The following NEK7 variants were observed in gnomAD, a reference collection of about 807,000 sequenced individuals.
NEK7 encodes the protein serine/threonine-protein kinase Nek7.
Under a neutral mutation model 44.6 loss-of-function variants are expected in NEK7, and 18 were observed. That is an observed-to-expected ratio of 0.40 (90% CI 0.28 to 0.60). The LOEUF (loss-of-function observed/expected upper bound fraction) is 0.60. NEK7 is among the 20% of genes least tolerant of loss of function. The pLI, the probability that NEK7 is intolerant of heterozygous loss-of-function variation, is 0.38. For missense variants in NEK7, 256 were observed against 366.5 expected (o/e 0.70, Z 2.46); for synonymous variants, 130 against 121.1 (o/e 1.07, Z -0.48).
intron 4 of NEK7, among the ~76,000 whole-genome samples, chr1:198,263,078 A>C (rs1653532098): frequency 6.6e-6 from 1 of 151,942 alleles, no homozygotes; most frequent in Non-Finnish European, 1.5e-5. Flanking sequence ...AGTGCATGTA[A>C]AGAGTATGCC....
Position 198,278,029 on chromosome 1 carries a change from T to C in NEK7, c.441T>C (p.Ser147=), listed in dbSNP as rs1251326860. Residue 147 remains serine, a synonymous_variant, in exon 6 of 10, where the codon AGT becomes AGC. Coordinates refer to ENST00000367385, the MANE Select transcript of NEK7 (RefSeq NM_133494.3). ...GGAAGTATTTTGTTCAGCTTTGCAG[T>C]GCATTGGAACACATGCATTCTCGAA... ...TVWKYFVQLC[S]ALEHMHSRRV... is the part of the protein sequence containing the mutation. The C allele has an allele frequency of 1.2e-6, 2 of 1,602,598 alleles. No homozygotes were observed. The highest frequency in any genetic ancestry group is 1.1e-5 in the South Asian group (1 of 90,718).
intron 7 of NEK7, among the ~76,000 whole-genome samples, chr1:198,292,456 T>C (rs1654588030): frequency 6.6e-6 from 1 of 152,036 alleles, no homozygotes; most frequent in South Asian, 2.1e-4. Context: ...AAGTGTTATA[T>C]CATTTGTTAA....
intron 1 of NEK7, among the ~76,000 whole-genome samples, chr1:198,186,033 A>G (rs1571511185): frequency 1.3e-5 from 2 of 152,186 alleles, no homozygotes; most frequent in East Asian, 3.8e-4. Flanking sequence ...ATCTCGAAGG[A>G]GCTATGCTGC....
chr1:198,302,740 T>C (rs1245640938), intron 9 of NEK7, among the ~76,000 whole-genome samples: 3 of 152,194 alleles, frequency 2.0e-5, no homozygotes, highest in Non-Finnish European at 2.9e-5. Flanking sequence ...ACATTTTCTT[T>C]AATGCGATTA....
At chr1:198,235,993 G>A (rs1666535537) in intron 2 of NEK7, among the ~76,000 whole-genome samples, 1 of 152,008 alleles carries the variant, frequency 6.6e-6, no homozygotes, top group African/African-American at 2.4e-5. Flanking sequence ...AAGCTTCATG[G>A]CAGTTCAGAC....
In NEK7 at chr1:198,297,253, C is replaced by T. The variant is rs1654740601; in HGVS notation, c.798+13C>T. On this transcript the variant is annotated intron_variant, in intron 9 of 9. Transcript: ENST00000367385. ...CTATTCAGAAGAAGTAAGTCATTTT[C>T]AGCCCACATGTTCTTCTGTTGTCCA... The T allele has an allele frequency of 6.2e-7, 1 of 1,612,044 alleles. No individual in the cohort carries two copies. The highest frequency in any genetic ancestry group is 8.5e-7 in the Non-Finnish European group (1 of 1,179,166).
At chr1:198,256,660 G>A (rs986362586) in intron 3 of NEK7, 1 of 724,170 alleles carries the variant, frequency 1.4e-6, no homozygotes, top group Non-Finnish European at 2.1e-6. Context: ...GCTTTAGGAA[G>A]ATTAAGATAA....
intron 9 of NEK7, among the ~76,000 whole-genome samples, chr1:198,318,846 A>G (rs1655451698): frequency 2.0e-5 from 3 of 152,154 alleles, no homozygotes; most frequent in South Asian, 4.1e-4. Flanking sequence ...TACTGTGTAC[A>G]CAATTGAGGA....
chr1:198,205,944 G>A (rs536503240), intron 1 of NEK7, among the ~76,000 whole-genome samples: 1 of 152,202 alleles, frequency 6.6e-6, no homozygotes, highest in East Asian at 1.9e-4. Context: ...AGTGGGTTTG[G>A]GGGAAAGAGG....
rs141657544 is a variant in NEK7, at chr1:198,286,474, T to C, written c.590-6471T>C. On this transcript the variant is annotated intron_variant, in intron 7 of 9. Coordinates refer to ENST00000367385, the MANE Select transcript of NEK7 (RefSeq NM_133494.3). ...ATTTTTCTCTTACCCCCTCGGTCCT[T>C]ATGTAATTCTTGGTGTGAGGTAGGT... Among the ~76,000 whole-genome samples, 12 of 152,062 alleles carry C rather than the reference T, an allele frequency of 7.9e-5. No individual in the cohort carries two copies. In the East Asian group the frequency reaches 2.3e-3, roughly 30 times the overall value.
intron 1 of NEK7, among the ~76,000 whole-genome samples, 185 bp from the exon 2 acceptor site, chr1:198,232,366 CAG>C (rs1208339856): frequency 1.3e-5 from 2 of 152,190 alleles, no homozygotes; most frequent in African/African-American, 4.8e-5. Context: ...ATGGTTGAGA[CAG>C]TGAATATTTG....
chr1:198,247,712 GCTT>G (rs1006850430), intron 2 of NEK7, among the ~76,000 whole-genome samples: 4 of 151,098 alleles, frequency 2.6e-5, no homozygotes, highest in Non-Finnish European at 4.4e-5. Context: ...ACAAATTATT[GCTT>G]CTTTTTTTTT....
chr1:198,253,057 T>C lies in NEK7; in HGVS notation c.75T>C (p.Asp25=). The change falls in exon 3 of 10, where the codon GAT becomes GAC. Residue 25 remains aspartate (D), a synonymous_variant. Transcript: ENST00000367385. ...AATTACAGAAGGCCTTACGACCGGA[T>C]ATGGGCTATAATACATTAGCCAACT... is the stretch of plus-strand genomic sequence containing the variant. ...QFQPQKALRP[D]MGYNTLANFR... is the part of the protein sequence containing the mutation. 1.2e-6 allele frequency: 2 copies of C among 1,610,334 alleles called. No individual in the cohort carries two copies. The highest frequency in any genetic ancestry group is 8.5e-7 in the Non-Finnish European group (1 of 1,177,958).
intron 3 of NEK7, among the ~76,000 whole-genome samples, chr1:198,254,251 A>G (rs1382182985): frequency 6.6e-6 from 1 of 152,200 alleles, no homozygotes; most frequent in African/African-American, 2.4e-5. Context: ...CTTAAGAAAT[A>G]AACATTAAAA....
At chr1:198,263,427 G>A (rs7526666) in intron 4 of NEK7, among the ~76,000 whole-genome samples, 51,122 of 151,604 alleles carry the variant, frequency 0.34, 9,866 homozygotes, top group East Asian at 0.8. Flanking sequence ...AATTTGCAGC[G>A]AAAACTTTAA....
At chr1:198,204,241 CAG>C (rs1472869182) in intron 1 of NEK7, among the ~76,000 whole-genome samples, 2 of 152,030 alleles carry the variant, frequency 1.3e-5, no homozygotes, top group Admixed American at 6.5e-5. Flanking sequence ...GCCCGTGTGA[CAG>C]AGTAAGAGTC....
chr1:198,166,735 T>C (rs1008032611), intron 1 of NEK7, among the ~76,000 whole-genome samples: 6 of 152,144 alleles, frequency 3.9e-5, no homozygotes, highest in Admixed American at 3.9e-4. Context: ...TACAGTAACA[T>C]CAAAGATTGC....
intron 1 of NEK7, among the ~76,000 whole-genome samples, chr1:198,209,080 TG>T (rs776652008): frequency 6.8e-6 from 1 of 147,250 alleles, no homozygotes; most frequent in Middle Eastern, 3.3e-3. Flanking sequence ...TACGCACATA[TG>T]TATATATACA....
intron 7 of NEK7, among the ~76,000 whole-genome samples, chr1:198,280,784 G>A (rs1289369144): frequency 6.7e-6 from 1 of 148,172 alleles, no homozygotes; most frequent in Non-Finnish European, 1.5e-5. Flanking sequence ...TATAATGTGT[G>A]TATATATACA....
Sources: gnomAD v4.1 joint callset for allele counts (sites outside exome capture counted in the v4.1 genomes callset) on GRCh38, gnomAD v4.1.1 for gene constraint, MANE v1.5 for transcripts, NCBI Gene and HGNC (gene_info 2026-07-23, HGNC 2026-07-21) for gene names.